MAF1: variants seen among roughly 807,000 people sequenced by gnomAD.
MAF1 encodes the protein repressor of RNA polymerase III transcription MAF1 homolog.
Under a neutral mutation model 31.9 loss-of-function variants are expected in MAF1, and 7 were observed. That is an observed-to-expected ratio of 0.22 (90% CI 0.12 to 0.41). The LOEUF (loss-of-function observed/expected upper bound fraction) is 0.41. Ranked by LOEUF, MAF1 falls within the 10% of genes least tolerant of loss-of-function variation. The pLI is 1.00. For missense variants in MAF1, 221 were observed against 323.1 expected (o/e 0.68, Z 2.42); for synonymous variants, 157 against 120.0 (o/e 1.31, Z -2.02).
Position 144,106,472 on chromosome 8 carries a change from G to A in MAF1, c.500+8G>A, listed in dbSNP as rs186374929. 4.5e-4 allele frequency: 724 copies of A among 1,613,886 alleles called. 4 individuals carry two copies. In the African/African-American group the frequency reaches 8.4e-3, roughly 19 times the overall value. On this transcript the variant is annotated splice_region_variant and intron_variant, in intron 5 of 7. Coordinates refer to ENST00000322428, the MANE Select transcript of MAF1 (RefSeq NM_032272.5). ...TGAATGTGACATCTACAGGTGGGCC[G>A]GCATCCCTGCAGATGGCCTCCAGGC...
rs774081164 is a variant in MAF1, at chr8:144,107,462, G to T, written c.*353G>T. 5.1e-6 allele frequency: 3 copies of T among 583,434 alleles called. No homozygotes were observed. Among genetic ancestry groups the T allele is most frequent in the Admixed American group, 3.0e-5 (1 of 33,292 alleles). 36.1% of individuals were successfully genotyped at this position (583,434 alleles called of 1,614,324 possible). ...CCAGCCCAAAGGGTCTGTGGCCGGAGGCCCCACGAGCAGGCCCCAGCAGTC... is the reference window on the plus strand; with the variant it reads ...CCAGCCCAAAGGGTCTGTGGCCGGATGCCCCACGAGCAGGCCCCAGCAGTC... On this transcript the variant is annotated 3_prime_UTR_variant, in exon 8 of 8. Transcript: ENST00000322428.
Position 144,106,693 on chromosome 8 carries a change from C to T in MAF1, c.620+19C>T, listed in dbSNP as rs780789799. The T allele has an allele frequency of 6.2e-7, 1 of 1,607,266 alleles. No homozygotes were observed. Among genetic ancestry groups the T allele is most frequent in the Admixed American group, 1.7e-5 (1 of 59,792 alleles). On this transcript the variant is annotated intron_variant, in intron 6 of 7. Transcript: ENST00000322428. ...CCATCAGGTGGGCACCCCCCGCCTC[C>T]TCCCCCACCTCCCTGTTGGGCCGAT...
At chr8:144,107,055 C>T (rs1330093329) in intron 7 of MAF1, 33 bp from the exon 8 acceptor site, 2 of 1,571,066 alleles carry the variant, frequency 1.3e-6, no homozygotes, top group Non-Finnish European at 1.7e-6. Context: ...GTGGTGGCTC[C>T]TGAAGGCCCA....
intron 7 of MAF1, 22 bp from the exon 8 acceptor site, chr8:144,107,066 C>G: frequency 6.4e-7 from 1 of 1,573,712 alleles, no homozygotes; most frequent in Non-Finnish European, 8.6e-7. Context: ...TGAAGGCCCA[C>G]TGTGTGCCAA....
intron 4 of MAF1, 38 bp from the exon 5 acceptor site, chr8:144,106,305 C>T (rs371210679): frequency 5.6e-6 from 9 of 1,612,628 alleles, no homozygotes; most frequent in Non-Finnish European, 4.2e-6. Flanking sequence ...CTTTGGGTAG[C>T]CCTGGGCTCC....
rs968594082 is a variant in MAF1, at chr8:144,105,586, G to A, written c.-44-54G>A. 3.6e-6 allele frequency: 4 copies of A among 1,103,804 alleles called. No homozygotes were observed. In the African/African-American group the frequency reaches 4.6e-5, roughly 13 times the overall value. The allele number at this position is 1,103,804 out of a possible 1,614,324, so 68.4% of individuals were successfully genotyped here. On this transcript the variant is annotated intron_variant, in intron 1 of 7. Transcript: ENST00000322428. ...CACTTAGTGGGTAGGAGGGCTGAAG[G>A]CAGGGCCCCAAGGGGCCAGATAGAT...
chr8:144,104,862 G>C lies in MAF1; in HGVS notation c.-45+4G>C, dbSNP rs912889642. The C allele has an allele frequency of 6.6e-6, 1 of 152,284 alleles. No homozygotes were observed. Among genetic ancestry groups the C allele is most frequent in the Non-Finnish European group, 1.5e-5 (1 of 68,090 alleles). The allele number at this position is 152,284 out of a possible 1,614,324, so 9.4% of individuals were successfully genotyped here. On this transcript the variant is annotated splice_donor_region_variant and intron_variant, in intron 1 of 7. Coordinates refer to ENST00000322428, the MANE Select transcript of MAF1 (RefSeq NM_032272.5). ...CTGATCTAACCCAGCCAGGCAGGTG[G>C]GTGTCCGCCCTGCGTCCCGCGCCGT...
chr8:144,106,247 G>T lies in MAF1; in HGVS notation c.378+6G>T, dbSNP rs776598621. The T allele has an allele frequency of 1.2e-6, 2 of 1,613,662 alleles. No homozygotes were observed. Among genetic ancestry groups the T allele is most frequent in the South Asian group, 1.1e-5 (1 of 91,086 alleles). ...GGGAGCCCAGCCTTAGCTGGGTGAG[G>T]GTCAGGTGGAGGGAAGGGACCCACA... On this transcript the variant is annotated splice_donor_region_variant and intron_variant, in intron 4 of 7. Coordinates refer to ENST00000322428, the MANE Select transcript of MAF1 (RefSeq NM_032272.5).
Position 144,105,905 on chromosome 8 carries a change from C to T in MAF1, c.120C>T (p.Asp40=), listed in dbSNP as rs373024962. The T allele has an allele frequency of 2.4e-5, 38 of 1,612,930 alleles. No individual in the cohort carries two copies. The African/African-American group carries it at 4.4e-4, about 19-fold the overall frequency. ...ESYSCKMAGD[D]KHMFKQFCQE... ...ACTCATGTAAGATGGCAGGAGACGA[C>T]AAACACATGTTCAAGCAGTTCTGCC... Residue 40 remains aspartate (D), a synonymous_variant, in exon 3 of 8, where the codon GAC becomes GAT. Coordinates refer to ENST00000322428, the MANE Select transcript of MAF1 (RefSeq NM_032272.5).
intron 1 of MAF1, 169 bp from the exon 2 acceptor site, chr8:144,105,471 A>G: frequency 1.7e-6 from 1 of 590,458 alleles, no homozygotes. Flanking sequence ...GTAAAACAGG[A>G]TCTCTGTCAC....
Position 144,105,439 on chromosome 8 carries a change from A to T in MAF1, c.-44-201A>T, listed in dbSNP as rs1478812771. The T allele has an allele frequency of 7.1e-6, 4 of 561,654 alleles. No homozygotes were observed. The East Asian group carries it at 9.1e-5, about 13-fold the overall frequency. 34.8% of individuals were successfully genotyped at this position (561,654 alleles called of 1,614,324 possible). On this transcript the variant is annotated intron_variant, in intron 1 of 7. Coordinates refer to ENST00000322428, the MANE Select transcript of MAF1 (RefSeq NM_032272.5). ...TCTGCAGGGGGTATGGCTGACCTGG[A>T]GCCTGGACTTACCACCCTCAGGTAA...
In MAF1 at chr8:144,104,695, C is replaced by G. The variant is rs1836373776; in HGVS notation, c.-208C>G. On this transcript the variant is annotated 5_prime_UTR_variant, in exon 1 of 8. Transcript: ENST00000322428. ...GGGACGTCGCCGCGGAGCTTCTTCC[C>G]CCGGATACAGTGCGGCCCGAGCGGA... 1 of 152,230 alleles carries G rather than the reference C, an allele frequency of 6.6e-6. No homozygotes were observed. Among genetic ancestry groups the G allele is most frequent in the Non-Finnish European group, 1.5e-5 (1 of 68,062 alleles). 9.4% of individuals were successfully genotyped at this position (152,230 alleles called of 1,614,324 possible).
chr8:144,105,026 G>A (rs1324016379), intron 1 of MAF1, 168 bp downstream of exon 1: 1 of 152,292 alleles, frequency 6.6e-6, no homozygotes, highest in Admixed American at 6.5e-5. Context: ...CCCCAGCGGG[G>A]CCGAGGGACC....
chr8:144,106,803 G>C, intron 6 of MAF1, 32 bp from the exon 7 acceptor site: 1 of 1,540,004 alleles, frequency 6.5e-7, no homozygotes. Context: ...CTGGGTAGGG[G>C]TCCTGAAACT....
chr8:144,106,059 T>G lies in MAF1; in HGVS notation c.213-17T>G. 6.2e-7 allele frequency: 1 copy of G among 1,613,530 alleles called. No individual in the cohort carries two copies. The highest frequency in any genetic ancestry group is 8.5e-7 in the Non-Finnish European group (1 of 1,179,990). On this transcript the variant is annotated splice_polypyrimidine_tract_variant and intron_variant, in intron 3 of 7. Transcript: ENST00000322428. The stretch of plus-strand genomic sequence containing the variant: ...GAGGGGAGGTGATGGGCCCAGCTGA[T>G]GGTTCTGTCTGTGCAGACTCAGCAA...
intron 1 of MAF1, 175 bp from the exon 2 acceptor site, chr8:144,105,465 A>C (rs1445521993): frequency 5.1e-6 from 3 of 586,078 alleles, no homozygotes; most frequent in Non-Finnish European, 9.1e-6. Context: ...CCTCAGGTAA[A>C]ACAGGATCTC....
At position 144,107,521 on chromosome 8, in the gene MAF1, A is replaced by G; in HGVS notation, c.*412A>G. 1.7e-6 allele frequency: 1 copy of G among 595,814 alleles called. No homozygotes were observed. Among genetic ancestry groups the G allele is most frequent in the South Asian group, 2.0e-5 (1 of 51,196 alleles). 36.9% of individuals were successfully genotyped at this position (595,814 alleles called of 1,614,324 possible). On this transcript the variant is annotated 3_prime_UTR_variant, in exon 8 of 8. Transcript: ENST00000322428. ...TGGTCTTGGGCCGGCCCCGGTGCCCACCTGTACCCCCACCTCGCCCATTTG... is the reference window on the plus strand; with the variant it reads ...TGGTCTTGGGCCGGCCCCGGTGCCCGCCTGTACCCCCACCTCGCCCATTTG...
rs944027797 is a variant in MAF1 at position 144,104,493 on chromosome 8, CTTG to C, written c.-402_-400del. ...GGCGCGGGGCCGGGCCCGGCGGACG[CTTG>C]TTGTTGTCCGGCCGGGGGAGGCGGA... On this transcript the variant is annotated 5_prime_UTR_variant, in exon 1 of 8. Coordinates refer to ENST00000322428, the MANE Select transcript of MAF1 (RefSeq NM_032272.5). The C allele has an allele frequency of 8.5e-5, 13 of 152,288 alleles. No homozygotes were observed. Among genetic ancestry groups the C allele is most frequent in the Middle Eastern group, 3.4e-3 (1 of 296 alleles). The allele number at this position is 152,288 out of a possible 1,614,324, so 9.4% of individuals were successfully genotyped here. A position where few individuals can be genotyped will look rare whatever the true frequency, so the allele number is the denominator to read the frequency against.
chr8:144,107,006 T>A (rs1436903673), intron 7 of MAF1, 43 bp downstream of exon 7: 3 of 1,551,052 alleles, frequency 1.9e-6, no homozygotes, highest in Non-Finnish European at 2.6e-6. Flanking sequence ...AAGCCTGGAG[T>A]GGGTACAACA....
Sources: gnomAD v4.1 joint callset for allele counts on GRCh38, gnomAD v4.1.1 for gene constraint, MANE v1.5 for transcripts, NCBI Gene and HGNC (gene_info 2026-07-23, HGNC 2026-07-21) for gene names.